The following TMCC1 variants were observed in gnomAD, a reference collection of about 807,000 sequenced individuals.
The protein encoded by TMCC1 is transmembrane and coiled-coil domains protein 1.
In TMCC1, 15 loss-of-function variants were observed where a neutral mutation model predicts 52.4. That is an observed-to-expected ratio of 0.29 (90% CI 0.19 to 0.44). TMCC1 has a LOEUF of 0.44. Ranked by LOEUF, TMCC1 falls within the 20% of genes least tolerant of loss-of-function variation. The pLI is 1.00. For synonymous variants in TMCC1, 279 were observed against 301.9 expected, an observed-to-expected ratio of 0.92 and a Z score of 0.79; for missense variants, 503 against 806.0, an observed-to-expected ratio of 0.62 and a Z score of 4.55.
intron 4 of TMCC1, among the ~76,000 whole-genome samples, chr3:129,813,338 T>C (rs752487200): frequency 1.3e-5 from 2 of 152,166 alleles, no homozygotes; most frequent in Non-Finnish European, 1.5e-5. Flanking sequence ...AAATAATTAT[T>C]CCACAAAGAC....
At chr3:129,717,306 C>A (rs2049182619) in intron 4 of TMCC1, among the ~76,000 whole-genome samples, 1 of 152,202 alleles carries the variant, frequency 6.6e-6, no homozygotes, top group Admixed American at 6.5e-5. Flanking sequence ...CTATCTGCAG[C>A]ATTTGACATA....
intron 4 of TMCC1, among the ~76,000 whole-genome samples, chr3:129,805,438 C>T (rs1438378198): frequency 1.3e-5 from 2 of 152,158 alleles, no homozygotes; most frequent in African/African-American, 4.8e-5. Flanking sequence ...GCCGGGATTA[C>T]AGGTGTGAGC....
intron 4 of TMCC1, among the ~76,000 whole-genome samples, chr3:129,798,488 A>G (rs2056986904): frequency 6.6e-6 from 1 of 150,448 alleles, no homozygotes; most frequent in Non-Finnish European, 1.5e-5. Context: ...ATAAGCAACT[A>G]GAATCCTAAA....
intron 4 of TMCC1, among the ~76,000 whole-genome samples, chr3:129,771,879 A>C (rs528626898): frequency 1.3e-5 from 2 of 152,006 alleles, no homozygotes; most frequent in East Asian, 3.9e-4. Context: ...TGGAGAAACT[A>C]GTTAGAAAGC....
chr3:129,709,563 T>A (rs184253127), intron 4 of TMCC1, among the ~76,000 whole-genome samples: 2 of 151,432 alleles, frequency 1.3e-5, no homozygotes, highest in Non-Finnish European at 1.5e-5. Context: ...GGTTAGTCCA[T>A]GATCCTGAGG....
intron 4 of TMCC1, among the ~76,000 whole-genome samples, chr3:129,776,585 A>G (rs997984726): frequency 6.6e-6 from 1 of 152,222 alleles, no homozygotes; most frequent in South Asian, 2.1e-4. Context: ...GAAAATCAGA[A>G]AAGTTTCCCA....
chr3:129,819,233 C>A (rs1211711415), intron 4 of TMCC1, among the ~76,000 whole-genome samples: 1 of 152,086 alleles, frequency 6.6e-6, no homozygotes, highest in Non-Finnish European at 1.5e-5. Context: ...CAGGTGTGCA[C>A]CACCATGCCA....
chr3:129,709,503 G>GAGAA (rs2048499167), intron 4 of TMCC1, among the ~76,000 whole-genome samples: 3 of 138,676 alleles, frequency 2.2e-5, no homozygotes, highest in Admixed American at 1.4e-4. Flanking sequence ...AAAAAAGAGA[G>GAGAA]AGAGAGAGAA....
chr3:129,704,722 C>T (rs959831786), intron 4 of TMCC1, among the ~76,000 whole-genome samples: 10 of 152,098 alleles, frequency 6.6e-5, no homozygotes. Flanking sequence ...TCGGCCCGGG[C>T]AGAACATTTT....
At chr3:129,686,637 GT>G (rs1369232960) in intron 4 of TMCC1, among the ~76,000 whole-genome samples, 1 of 152,158 alleles carries the variant, frequency 6.6e-6, no homozygotes, top group African/African-American at 2.4e-5. Flanking sequence ...GGGAAAAGTG[GT>G]AGAGAGAGAA....
At chr3:129,855,624 A>AT (rs2060117073) in intron 2 of TMCC1, among the ~76,000 whole-genome samples, 1 of 152,166 alleles carries the variant, frequency 6.6e-6, no homozygotes, top group South Asian at 2.1e-4. Context: ...TCTCAGCCTC[A>AT]TTCACAAAAT....
intron 3 of TMCC1, among the ~76,000 whole-genome samples, chr3:129,830,861 AAT>A (rs1194512565): frequency 1.3e-5 from 2 of 152,260 alleles, no homozygotes; most frequent in African/African-American, 4.8e-5. Flanking sequence ...CTATTTAAAA[AAT>A]AGAGAATGTG....
chr3:129,872,744 G>A (rs1324031045), intron 2 of TMCC1, among the ~76,000 whole-genome samples: 2 of 152,064 alleles, frequency 1.3e-5, no homozygotes, highest in Non-Finnish European at 2.9e-5. Flanking sequence ...AAATATTGCT[G>A]AGCTACCAAA....
At chr3:129,750,122 G>A (rs2052359087) in intron 4 of TMCC1, among the ~76,000 whole-genome samples, 1 of 152,090 alleles carries the variant, frequency 6.6e-6, no homozygotes, top group South Asian at 2.1e-4. Flanking sequence ...TTAACATAAA[G>A]GAGTTGTTTC....
intron 4 of TMCC1, among the ~76,000 whole-genome samples, chr3:129,812,748 T>C (rs2057890168): frequency 6.6e-6 from 1 of 152,142 alleles, no homozygotes; most frequent in South Asian, 2.1e-4. Context: ...AAATACCATC[T>C]GGACATAGGA....
At chr3:129,699,957 T>C (rs2047695832) in intron 4 of TMCC1, among the ~76,000 whole-genome samples, 1 of 152,172 alleles carries the variant, frequency 6.6e-6, no homozygotes, top group South Asian at 2.1e-4. Flanking sequence ...CCTTAGGTAT[T>C]ACTTTATAAA....
At chr3:129,726,390 AAAAC>A (rs5852574) in intron 4 of TMCC1, among the ~76,000 whole-genome samples, 131,302 of 151,738 alleles carry the variant, frequency 0.87, 57,496 homozygotes, top group East Asian at 1. Flanking sequence ...ACATTAAAAC[AAAAC>A]AAACAAATAA....
At chr3:129,669,622 T>C (rs1319024027) in intron 5 of TMCC1, among the ~76,000 whole-genome samples, 3 of 152,058 alleles carry the variant, frequency 2.0e-5, no homozygotes, top group Non-Finnish European at 4.4e-5. Flanking sequence ...TTAGTAGAGA[T>C]GGGATTTCTC....
intron 2 of TMCC1, among the ~76,000 whole-genome samples, chr3:129,840,355 G>T (rs979606584): frequency 1.5e-5 from 2 of 136,410 alleles, no homozygotes; most frequent in Admixed American, 1.5e-4. Context: ...GCAAGATCAA[G>T]CTATATTCGG....
Sources: gnomAD v4.1 joint callset for allele counts (sites outside exome capture counted in the v4.1 genomes callset) on GRCh38, gnomAD v4.1.1 for gene constraint, MANE v1.5 for transcripts, NCBI Gene and HGNC (gene_info 2026-07-23, HGNC 2026-07-21) for gene names.